HIPK2: variants seen among roughly 807,000 people sequenced by gnomAD.
HIPK2 encodes the protein homeodomain interacting protein kinase 2.
Under a neutral mutation model 113.7 loss-of-function variants are expected in HIPK2, and 27 were observed. That is an observed-to-expected ratio of 0.24 (90% CI 0.17 to 0.33). HIPK2 has a LOEUF of 0.33. Ranked by LOEUF, HIPK2 falls within the 10% of genes least tolerant of loss-of-function variation. The pLI is 1.00. For missense variants in HIPK2, 1,257 were observed against 1,588.0 expected, an observed-to-expected ratio of 0.79 and a Z score of 3.54; for synonymous variants, 631 against 642.2, an observed-to-expected ratio of 0.98 and a Z score of 0.26.
At chr7:139,741,418 T>C (rs890785190) in intron 1 of HIPK2, among the ~76,000 whole-genome samples, 1 of 152,198 alleles carries the variant, frequency 6.6e-6, no homozygotes, top group Non-Finnish European at 1.5e-5. Context: ...TCCTTCACCT[T>C]TGCCCCCTCG....
In HIPK2 at chr7:139,631,421, GA is replaced by G. The variant is rs1264067650; in HGVS notation, c.1228-138del. On this transcript the variant is annotated intron_variant, in intron 3 of 14. Transcript: ENST00000406875. This position sits in a 1 kb window ranked among gnomAD's most constrained non-coding sequence, Gnocchi z 4.9. Reference sequence around the variant, plus strand: ...AGAAGTTAACAAAAAAGAGAAAAAAGAAAAAGGGAAAAGAGAAAGGAATAAA... The same window carrying G: ...AGAAGTTAACAAAAAAGAGAAAAAAGAAAAGGGAAAAGAGAAAGGAATAAA... The G allele has an allele frequency of 5.6e-6, 8 of 1,430,184 alleles. No homozygotes were observed. The Admixed American group carries it at 8.4e-5, about 15-fold the overall frequency. 88.6% of individuals were successfully genotyped at this position (1,430,184 alleles called of 1,614,324 possible).
intron 2 of HIPK2, among the ~76,000 whole-genome samples, chr7:139,667,687 G>A (rs1164233959): frequency 2.6e-5 from 4 of 152,052 alleles, no homozygotes; most frequent in Admixed American, 2.0e-4. Flanking sequence ...CCAGATTCTC[G>A]GGAAAATATT....
At chr7:139,687,858 GA>G (rs1310521543) in intron 2 of HIPK2, among the ~76,000 whole-genome samples, 1 of 152,170 alleles carries the variant, frequency 6.6e-6, no homozygotes, top group Non-Finnish European at 1.5e-5. Flanking sequence ...GGGGCTGGTG[GA>G]TGTATGGGTG....
chr7:139,708,624 A>T (rs762271528), intron 2 of HIPK2, among the ~76,000 whole-genome samples: 20 of 152,218 alleles, frequency 1.3e-4, no homozygotes, highest in Non-Finnish European at 2.8e-4. Flanking sequence ...AACTGGGCCA[A>T]GTTTCCAGGG....
chr7:139,626,614 GA>G lies in HIPK2; in HGVS notation c.1605del (p.His537ThrfsTer19), dbSNP rs747911833. 6.2e-7 allele frequency: 1 copy of G among 1,613,736 alleles called. No homozygotes were observed. The highest frequency in any genetic ancestry group is 1.7e-5 in the Admixed American group (1 of 59,976). ...PFVTMTHLLD[F>X]PHSTHVKSCF... ...CAGGACACCTACTGTGTGCTGTGGG[GA>G]AAATCGAGTAAGTGTGTCATGGTGA... On this transcript the variant is annotated frameshift_variant, in exon 6 of 15. Coordinates refer to ENST00000406875, the MANE Select transcript of HIPK2 (RefSeq NM_022740.5). LOFTEE classifies it high-confidence loss of function.
At chr7:139,739,585 C>CAA (rs71170914) in intron 1 of HIPK2, among the ~76,000 whole-genome samples, 3 of 127,028 alleles carry the variant, frequency 2.4e-5, no homozygotes, top group South Asian at 2.6e-4. Context: ...AGACCCTCTC[C>CAA]AAAAAAAAAA....
intron 2 of HIPK2, among the ~76,000 whole-genome samples, chr7:139,707,825 T>C (rs978245430): frequency 6.6e-6 from 1 of 152,178 alleles, no homozygotes; most frequent in African/African-American, 2.4e-5. Context: ...GAGTGCGCTA[T>C]CCATCGTAAG....
chr7:139,606,560 T>A lies in HIPK2; in HGVS notation c.2113-2337A>T, dbSNP rs149061698. Among the ~76,000 whole-genome samples, 101 of 152,334 alleles carry A rather than the reference T, an allele frequency of 6.6e-4. 2 individuals are homozygous for A. In the East Asian group the frequency reaches 0.018, roughly 27 times the overall value. ...ACAATTACTAAGTGAATTAACAGAC[T>A]GAAGGAATCTAAGATCAGGTCTTCA... On this transcript the variant is annotated intron_variant, in intron 9 of 14. Coordinates refer to ENST00000406875, the MANE Select transcript of HIPK2 (RefSeq NM_022740.5).
chr7:139,749,021 C>T (rs1225877461), intron 1 of HIPK2, among the ~76,000 whole-genome samples: 1 of 152,232 alleles, frequency 6.6e-6, no homozygotes, highest in African/African-American at 2.4e-5. Context: ...GGTCCAAGAA[C>T]AAAAACCTGA....
At chr7:139,744,074 C>T (rs1280332052) in intron 1 of HIPK2, among the ~76,000 whole-genome samples, 2 of 151,984 alleles carry the variant, frequency 1.3e-5, no homozygotes, top group East Asian at 3.9e-4. Context: ...AATGGGATAC[C>T]AAGAAAACTG....
intron 12 of HIPK2, among the ~76,000 whole-genome samples, chr7:139,584,539 G>A (rs188057166): frequency 4.7e-4 from 71 of 152,364 alleles, no homozygotes; most frequent in African/African-American, 1.4e-3. Context: ...TGGTGCCTGC[G>A]GCCTGGCAAA....
chr7:139,653,106 C>T (rs1461615683), intron 2 of HIPK2, among the ~76,000 whole-genome samples: 1 of 142,162 alleles, frequency 7.0e-6, no homozygotes, highest in Admixed American at 7.2e-5. Flanking sequence ...GCCACTGCTA[C>T]TCCAGCCTGG....
rs1795167842 is a variant in HIPK2, at chr7:139,714,671, G to A, written c.1103+1261C>T. On this transcript the variant is annotated intron_variant, in intron 2 of 14. Transcript: ENST00000406875. The surrounding 1 kb of genome is among the most constrained non-coding windows in gnomAD (Gnocchi z 4.2). ...AAGCAGGATGGCCTCCGGGGACCCC[G>A]GTCTTCCTGCCTACGTGGCACGCTC... Among the ~76,000 whole-genome samples the A allele has an allele frequency of 1.3e-5, 2 of 152,204 alleles. No homozygotes were observed. Among genetic ancestry groups the A allele is most frequent in the Admixed American group, 1.3e-4 (2 of 15,284 alleles).
At chr7:139,664,487 A>G (rs1801976928) in intron 2 of HIPK2, among the ~76,000 whole-genome samples, 1 of 152,152 alleles carries the variant, frequency 6.6e-6, no homozygotes, top group Admixed American at 6.5e-5. Context: ...CAGTGAGCCG[A>G]GATCAAGCCA....
At chr7:139,678,751 C>A (rs1476726705) in intron 2 of HIPK2, among the ~76,000 whole-genome samples, 3 of 152,156 alleles carry the variant, frequency 2.0e-5, no homozygotes, top group Non-Finnish European at 4.4e-5. Context: ...TTACTTTGGG[C>A]AGTATGGCCA....
At chr7:139,687,423 T>C (rs1292707101) in intron 2 of HIPK2, among the ~76,000 whole-genome samples, 1 of 152,184 alleles carries the variant, frequency 6.6e-6, no homozygotes, top group Non-Finnish European at 1.5e-5. Flanking sequence ...ATTGAGGTGG[T>C]CTGAAACCAA....
rs923394205 is a variant in HIPK2, at chr7:139,630,617, C to T, written c.1347+548G>A. On this transcript the variant is annotated intron_variant, in intron 4 of 14. Coordinates refer to ENST00000406875, the MANE Select transcript of HIPK2 (RefSeq NM_022740.5). This position sits in a 1 kb window ranked among gnomAD's most constrained non-coding sequence, Gnocchi z 4.0. The stretch of plus-strand genomic sequence containing the variant: ...TTCACCATGTTGGCCAGGCTGGTCT[C>T]GAATTCATGACCTCAAGTGATCCAC... 3.3e-5 allele frequency among the ~76,000 whole-genome samples: 5 copies of T among 152,184 alleles called. No homozygotes were observed. The highest frequency in any genetic ancestry group is 2.1e-4 in the South Asian group (1 of 4,830).
In HIPK2 at chr7:139,694,101, C is replaced by T. The variant is rs372270236; in HGVS notation, c.1103+21831G>A. Among the ~76,000 whole-genome samples, 9 of 152,222 alleles carry T rather than the reference C, an allele frequency of 5.9e-5. No homozygotes were observed. In the South Asian group the frequency reaches 8.3e-4, roughly 14 times the overall value. ...TCAAGAAAGGTTAAGTCTGAAGGGTCTGCATTACTCAGTACAGAAGGTTTC... is the reference window on the plus strand; with the variant it reads ...TCAAGAAAGGTTAAGTCTGAAGGGTTTGCATTACTCAGTACAGAAGGTTTC... On this transcript the variant is annotated intron_variant, in intron 2 of 14. Transcript: ENST00000406875.
In HIPK2 at chr7:139,596,954, G is replaced by C; in HGVS notation, c.2480C>G (p.Ser827Cys). 4 of 1,607,784 alleles carry C rather than the reference G, an allele frequency of 2.5e-6. No individual in the cohort carries two copies. The highest frequency in any genetic ancestry group is 2.6e-6 in the Non-Finnish European group (3 of 1,175,014). Residue 827 changes from serine (S) to cysteine (C), a missense_variant, in exon 12 of 15, where the codon TCC becomes TGC. Physicochemically the swap from Ser to Cys is moderately radical, Grantham distance 112. Around this residue, in one of 5 missense-constraint regions of HIPK2, gnomAD observed 862 missense variants for 1,004.3 expected, o/e 0.86. Coordinates refer to ENST00000406875, the MANE Select transcript of HIPK2 (RefSeq NM_022740.5). ...CEVSSSQAIS[S>C]PQRSKRVKEN... Reference sequence around the variant, plus strand: ...CTTGACACGCTTGGATCGCTGTGGGGAGCTGATGGCCTGAGAGGAGGACAC... The same window carrying C: ...CTTGACACGCTTGGATCGCTGTGGGCAGCTGATGGCCTGAGAGGAGGACAC...
Sources: gnomAD v4.1 joint callset for allele counts (sites outside exome capture counted in the v4.1 genomes callset) on GRCh38, gnomAD v4.1.1 for gene constraint, gnomAD v4.1.1 regional missense constraint, Gnocchi (gnomAD v3.1) non-coding constraint, MANE v1.5 for transcripts, NCBI Gene and HGNC (gene_info 2026-07-23, HGNC 2026-07-21) for gene names.